Variants in FBXO34 observed in about 807,000 individuals in gnomAD.
FBXO34 encodes the protein F-box protein 34.
A neutral mutation model predicts 24.5 loss-of-function variants in FBXO34; 12 were observed. The ratio of observed to expected loss-of-function variants is 0.49; its 90% CI spans 0.31 to 0.79. The LOEUF (loss-of-function observed/expected upper bound fraction) is 0.79, where lower values mean the gene tolerates loss of function less well. Ranked by LOEUF, FBXO34 falls within the 30% of genes least tolerant of loss-of-function variation. FBXO34 has a pLI of 0.04. For missense variants in FBXO34, 823 were observed against 857.7 expected, an observed-to-expected ratio of 0.96 and a Z score of 0.51; for synonymous variants, 320 against 311.9, an observed-to-expected ratio of 1.03 and a Z score of -0.27.
the FBXO34 span, chr14:55,436,887 G>T: frequency 6.2e-7 from 1 of 1,614,232 alleles, no homozygotes; most frequent in African/African-American, 1.3e-5. Context: ...CCACAGATGA[G>T]AAATCACCAG....
chr14:55,380,577 T>C, the FBXO34 span: 4 of 1,600,888 alleles, frequency 2.5e-6, no homozygotes, highest in Non-Finnish European at 3.4e-6. Flanking sequence ...ACTTGCCTGT[T>C]GCAGAGCTTT....
chr14:55,325,880 G>A (rs1883326124), intron 1 of FBXO34: 1 of 152,122 alleles, frequency 6.6e-6, no homozygotes, highest in African/African-American at 2.4e-5. Context: ...CTCCCACCTC[G>A]TTTCTCAGTT....
At chr14:55,391,956 C>A in the FBXO34 span, among the ~76,000 whole-genome samples, 10 of 152,164 alleles carry the variant, frequency 6.6e-5, no homozygotes, top group African/African-American at 2.4e-4. Flanking sequence ...GAAATTGACT[C>A]TTTATATTAC....
chr14:55,334,983 A>G (rs1313080753), intron 1 of FBXO34, among the ~76,000 whole-genome samples: 1 of 152,160 alleles, frequency 6.6e-6, no homozygotes, highest in African/African-American at 2.4e-5. Flanking sequence ...GGTTTATGAA[A>G]TGGTCCCCAG....
At chr14:55,424,231 C>G in the FBXO34 span, 1 of 1,612,680 alleles carries the variant, frequency 6.2e-7, no homozygotes, top group Non-Finnish European at 8.5e-7. Context: ...TAAATAAGAC[C>G]AGGAAACAGT....
the FBXO34 span, chr14:55,378,182 A>G: frequency 1.2e-6 from 1 of 844,576 alleles, no homozygotes; most frequent in Non-Finnish European, 1.9e-6. Context: ...GTGCCCTTTT[A>G]CTCCTTAGTA....
chr14:55,413,329 G>A, the FBXO34 span, among the ~76,000 whole-genome samples: 36,420 of 151,924 alleles, frequency 0.24, 4,499 homozygotes, highest in South Asian at 0.27. Context: ...AATTCCTATC[G>A]TGCTAGATGA....
intron 1 of FBXO34, among the ~76,000 whole-genome samples, chr14:55,282,066 G>A (rs1242557375): frequency 1.6e-5 from 2 of 128,434 alleles, no homozygotes; most frequent in African/African-American, 3.2e-5. Flanking sequence ...GCACGATCTC[G>A]GCTCTCTGCA....
the FBXO34 span, chr14:55,413,632 G>T: frequency 4.8e-6 from 2 of 420,632 alleles, no homozygotes; most frequent in Admixed American, 2.9e-5. Flanking sequence ...TGTCTGGGTG[G>T]AGCAGGCTGG....
Position 55,322,045 on chromosome 14 carries a change from G to C in FBXO34, c.-10-28336G>C, listed in dbSNP as rs144533597. 9.2e-3 allele frequency among the ~76,000 whole-genome samples: 1,394 copies of C among 152,252 alleles called. 30 individuals are homozygous for C. Among genetic ancestry groups the C allele is most frequent in the African/African-American group, 0.032 (1,346 of 41,552 alleles). The stretch of plus-strand genomic sequence containing the variant: ...TTATTATATAAGACATCTTTCAGCT[G>C]GGCGTGGTGGCTCACGCCTGTAATC... On this transcript the variant is annotated intron_variant, in intron 1 of 1. Coordinates refer to ENST00000313833, the MANE Select transcript of FBXO34 (RefSeq NM_017943.4).
At chr14:55,323,191 A>T (rs1317423417) in intron 1 of FBXO34, among the ~76,000 whole-genome samples, 17 of 31,856 alleles carry the variant, frequency 5.3e-4, no homozygotes, top group African/African-American at 1.6e-3. Context: ...TCTCAAAAAA[A>T]AAAAAAAAAA....
At position 55,351,346 on chromosome 14, in the gene FBXO34, A is replaced by C. The variant is rs751184392; in HGVS notation, c.956A>C (p.Asn319Thr). The C allele has an allele frequency of 6.2e-7, 1 of 1,614,232 alleles. No homozygotes were observed. The highest frequency in any genetic ancestry group is 1.1e-5 in the South Asian group (1 of 91,086). ...AATGTGGGCAGAGTATTGCTTGCAA[A>C]TAGCACTCAGGCTGATGAAGGCAAA... ...RRNVGRVLLA[N>T]STQADEGKTK... is the part of the protein sequence containing the mutation. Residue 319 changes from asparagine (N) to threonine (T), a missense_variant, in exon 2 of 2, where the codon AAT becomes ACT. Transcript: ENST00000313833.
chr14:55,395,276 A>C, the FBXO34 span: 1 of 326,188 alleles, frequency 3.1e-6, no homozygotes, highest in Non-Finnish European at 6.2e-6. Flanking sequence ...TGCGAGGCAT[A>C]GTGCATCTAG....
At chr14:55,346,002 C>T (rs1354577153) in intron 1 of FBXO34, among the ~76,000 whole-genome samples, 1 of 152,010 alleles carries the variant, frequency 6.6e-6, no homozygotes, top group African/African-American at 2.4e-5. Flanking sequence ...AAGGCCCTGC[C>T]TCAGAAAGAA....
the FBXO34 span, among the ~76,000 whole-genome samples, chr14:55,411,435 C>T: frequency 6.6e-6 from 1 of 152,226 alleles, no homozygotes; most frequent in Non-Finnish European, 1.5e-5. Flanking sequence ...CCTACGCTGT[C>T]CTCTGGTAGC....
the FBXO34 span, among the ~76,000 whole-genome samples, chr14:55,376,052 G>A: frequency 6.6e-6 from 1 of 152,216 alleles, no homozygotes; most frequent in East Asian, 1.9e-4. Flanking sequence ...TCTTTAATCT[G>A]TTAATGTGAT....
the FBXO34 span, among the ~76,000 whole-genome samples, chr14:55,393,068 C>A: frequency 6.6e-6 from 1 of 152,188 alleles, no homozygotes. Context: ...AAATTCACTT[C>A]TATCACAAAT....
chr14:55,334,821 C>T (rs777394027), intron 1 of FBXO34, among the ~76,000 whole-genome samples: 5 of 152,130 alleles, frequency 3.3e-5, no homozygotes, highest in Non-Finnish European at 5.9e-5. Context: ...CTCACATGTT[C>T]GGAAGGGTCC....
At chr14:55,409,372 A>C in the FBXO34 span, among the ~76,000 whole-genome samples, 2 of 152,252 alleles carry the variant, frequency 1.3e-5, no homozygotes, top group African/African-American at 4.8e-5. Flanking sequence ...CAGTGTATAA[A>C]AGAGAAAAAC....
Sources: allele counts gnomAD v4.1 joint callset (sites outside exome capture counted in the v4.1 genomes callset), GRCh38; gene constraint gnomAD v4.1.1; transcripts MANE v1.5; gene names NCBI Gene and HGNC (gene_info 2026-07-23, HGNC 2026-07-21).